Variants in MAGI2 observed in about 807,000 individuals in gnomAD.
MAGI2 encodes membrane associated guanylate kinase, WW and PDZ domain containing 2, also known as membrane-associated guanylate kinase, WW and PDZ domain-containing protein 2.
Under a neutral mutation model 133.3 loss-of-function variants are expected in MAGI2, and 35 were observed. The ratio of observed to expected loss-of-function variants is 0.26; its 90% confidence interval spans 0.20 to 0.35. The LOEUF is 0.35. Among genes scored for constraint, MAGI2 ranks in the 10% least tolerant of loss-of-function variants. The pLI, the probability that MAGI2 is intolerant of heterozygous loss-of-function variation, is 1.00. For synonymous variants in MAGI2, 729 were observed against 710.6 expected (o/e 1.03, Z -0.41); for missense variants, 1,636 against 1,863.4 (o/e 0.88, Z 2.25).
chr7:79,370,937 A>C (rs912083901), intron 1 of MAGI2, among the ~76,000 whole-genome samples: 1 of 152,072 alleles, frequency 6.6e-6, no homozygotes, highest in Admixed American at 6.6e-5. Context: ...CTCACTCTTG[A>C]ATCCAGTTTT....
intron 6 of MAGI2, among the ~76,000 whole-genome samples, chr7:78,479,801 T>C (rs539921526): frequency 2.0e-4 from 30 of 151,988 alleles, no homozygotes; most frequent in Admixed American, 1.2e-3. Context: ...AAAAATCAAG[T>C]ATCAAATTTA....
chr7:78,832,044 A>G (rs564714700), intron 2 of MAGI2, among the ~76,000 whole-genome samples: 1 of 152,260 alleles, frequency 6.6e-6, no homozygotes, highest in East Asian at 1.9e-4. Context: ...GTGACCTTTT[A>G]AAATGTTTTT....
intron 1 of MAGI2, among the ~76,000 whole-genome samples, chr7:79,450,490 T>G (rs977890425): frequency 4.6e-5 from 7 of 152,150 alleles, no homozygotes; most frequent in Non-Finnish European, 8.8e-5. Context: ...TTTTGTTTTG[T>G]TTTTGGTCAG....
intron 16 of MAGI2, among the ~76,000 whole-genome samples, chr7:78,151,379 T>C (rs1345284016): frequency 6.6e-6 from 1 of 152,160 alleles, no homozygotes; most frequent in Non-Finnish European, 1.5e-5. Flanking sequence ...CAAATCCTCC[T>C]ATTTAGGACT....
chr7:79,301,822 G>T (rs1837417773), intron 1 of MAGI2, among the ~76,000 whole-genome samples: 1 of 152,172 alleles, frequency 6.6e-6, no homozygotes, highest in Admixed American at 6.5e-5. Context: ...GAAGGTGTTT[G>T]GATAATGGGA....
chr7:79,370,109 G>A (rs958843307), intron 1 of MAGI2, among the ~76,000 whole-genome samples: 1 of 151,812 alleles, frequency 6.6e-6, no homozygotes, highest in Non-Finnish European at 1.5e-5. Context: ...TTTTCATCTA[G>A]TTCTAAGTTA....
rs1003336489 is a variant in MAGI2, at chr7:78,716,739, A to C, written c.419-89500T>G. The stretch of plus-strand genomic sequence containing the variant: ...CCAGAGCAGGGACACAGAGTAAAAA[A>C]CAAAAAAGTTGTAGAGAAAAGTGGT... On this transcript the variant is annotated intron_variant, in intron 2 of 21. Coordinates refer to ENST00000354212, the MANE Select transcript of MAGI2 (RefSeq NM_012301.4). Among the ~76,000 whole-genome samples the C allele has an allele frequency of 9.2e-5, 14 of 152,324 alleles. No homozygotes were observed. In the East Asian group the frequency reaches 2.7e-3, roughly 29 times the overall value.
intron 2 of MAGI2, among the ~76,000 whole-genome samples, chr7:78,884,353 A>G: frequency 6.6e-6 from 1 of 152,098 alleles, no homozygotes; most frequent in East Asian, 1.9e-4. Flanking sequence ...GTGTGCTGGC[A>G]CATTCCTGTA....
At chr7:79,194,692 A>G (rs976558581) in intron 1 of MAGI2, among the ~76,000 whole-genome samples, 1 of 151,848 alleles carries the variant, frequency 6.6e-6, no homozygotes, top group Non-Finnish European at 1.5e-5. Flanking sequence ...GAAAATTGAC[A>G]TCTAGCTTTT....
chr7:79,245,944 T>C (rs1832794314), intron 1 of MAGI2, among the ~76,000 whole-genome samples: 2 of 152,216 alleles, frequency 1.3e-5, no homozygotes, highest in South Asian at 4.1e-4. Context: ...ACTCCATTTG[T>C]TTAACAGAAA....
intron 3 of MAGI2, among the ~76,000 whole-genome samples, chr7:78,574,045 T>C (rs1802015228): frequency 6.6e-6 from 1 of 152,200 alleles, no homozygotes; most frequent in African/African-American, 2.4e-5. Context: ...AGAATAATCA[T>C]CTAACATTTG....
chr7:79,009,567 C>T (rs996681494), intron 1 of MAGI2, among the ~76,000 whole-genome samples: 2 of 152,094 alleles, frequency 1.3e-5, no homozygotes, highest in South Asian at 4.1e-4. Context: ...TAGTTGCCTA[C>T]CCAATATTCC....
intron 1 of MAGI2, among the ~76,000 whole-genome samples, chr7:79,245,245 A>C (rs1164314870): frequency 6.6e-6 from 1 of 152,146 alleles, no homozygotes; most frequent in Non-Finnish European, 1.5e-5. Flanking sequence ...TTGAGAAAAA[A>C]AGAAGGAAGA....
chr7:79,104,470 C>A (rs901258436), intron 1 of MAGI2, among the ~76,000 whole-genome samples: 3 of 152,010 alleles, frequency 2.0e-5, no homozygotes, highest in Non-Finnish European at 4.4e-5. Flanking sequence ...AGATCGAGAC[C>A]ATCCTAGCAA....
chr7:79,411,636 A>C (rs1846147319), intron 1 of MAGI2: 1 of 152,090 alleles, frequency 6.6e-6, no homozygotes, highest in Admixed American at 6.6e-5. Context: ...TAAGATAATA[A>C]GTTTGCCTTG....
At chr7:78,443,383 T>C (rs1452719802) in intron 6 of MAGI2, among the ~76,000 whole-genome samples, 1 of 152,116 alleles carries the variant, frequency 6.6e-6, no homozygotes, top group Non-Finnish European at 1.5e-5. Flanking sequence ...ACCCTGCTTC[T>C]GAGTTAGACA....
intron 10 of MAGI2, chr7:78,253,657 C>T (rs528326141): frequency 1.3e-5 from 2 of 152,272 alleles, no homozygotes; most frequent in East Asian, 3.9e-4. Flanking sequence ...AATATATTTG[C>T]TTCTGGGAGA....
chr7:78,924,844 T>C (rs901776829), intron 2 of MAGI2, among the ~76,000 whole-genome samples: 16 of 148,768 alleles, frequency 1.1e-4, no homozygotes, highest in Non-Finnish European at 3.0e-5. Flanking sequence ...ATTATTATTA[T>C]TATTACTACT....
chr7:78,867,083 C>T (rs973868690), intron 2 of MAGI2, among the ~76,000 whole-genome samples: 51 of 150,010 alleles, frequency 3.4e-4, no homozygotes, highest in African/African-American at 1.2e-3. Context: ...CACTTTTACA[C>T]TGTTGGTGGG....
Sources: allele counts gnomAD v4.1 joint callset (sites outside exome capture counted in the v4.1 genomes callset), GRCh38; gene constraint gnomAD v4.1.1; transcripts MANE v1.5; gene names NCBI Gene and HGNC (gene_info 2026-07-23, HGNC 2026-07-21).